THSD7A: variants seen among roughly 807,000 people sequenced by gnomAD.
THSD7A encodes thrombospondin type 1 domain containing 7A.
A neutral mutation model predicts 231.3 loss-of-function variants in THSD7A; 96 were observed. The ratio of observed to expected loss-of-function variants is 0.41; its 90% CI spans 0.35 to 0.49. The LOEUF (loss-of-function observed/expected upper bound fraction) is 0.49, where lower values mean the gene tolerates loss of function less well. Ranked by LOEUF, THSD7A falls within the 20% of genes least tolerant of loss-of-function variation. The pLI is 0.05. For synonymous variants in THSD7A, 940 were observed against 743.3 expected, an observed-to-expected ratio of 1.26 and a Z score of -4.30; for missense variants, 2,290 against 2,070.2, an observed-to-expected ratio of 1.11 and a Z score of -2.06.
At chr7:11,417,961 G>C (rs1235326814) in intron 16 of THSD7A, among the ~76,000 whole-genome samples, 4 of 152,190 alleles carry the variant, frequency 2.6e-5, no homozygotes, top group Non-Finnish European at 5.9e-5. Flanking sequence ...ATGAGGAACT[G>C]TCCAAAGAGC....
rs1780123037 is a variant in THSD7A, at chr7:11,688,265, C to T, written c.191-51304G>A. 2.6e-5 allele frequency among the ~76,000 whole-genome samples: 4 copies of T among 151,804 alleles called. 1 individual carries two copies. Among genetic ancestry groups the T allele is most frequent in the South Asian group, 4.1e-4 (2 of 4,830 alleles). On this transcript the variant is annotated intron_variant, in intron 1 of 27. Coordinates refer to ENST00000423059, the MANE Select transcript of THSD7A (RefSeq NM_015204.3). ...CATTTTTTATGGCTGCATAGTATTC[C>T]ATGGTGTATATATGTGCCACATTCT...
rs185795608 is a variant in THSD7A at position 11,524,681 on chromosome 7, T to A, written c.1822+16738A>T. On this transcript the variant is annotated intron_variant, in intron 6 of 27. Coordinates refer to ENST00000423059, the MANE Select transcript of THSD7A (RefSeq NM_015204.3). The stretch of plus-strand genomic sequence containing the variant: ...TGCTTTGAATAGTCCCAGAACTTGA[T>A]TTTCCTCCTCTTATACACATGGACA... Among the ~76,000 whole-genome samples, 26 of 152,256 alleles carry A rather than the reference T, an allele frequency of 1.7e-4. No individual in the cohort carries two copies. The East Asian group carries it at 4.1e-3, about 24-fold the overall frequency.
intron 4 of THSD7A, among the ~76,000 whole-genome samples, chr7:11,570,495 G>T (rs913908408): frequency 1.3e-5 from 2 of 152,124 alleles, no homozygotes; most frequent in African/African-American, 4.8e-5. Flanking sequence ...GATTTGAAAC[G>T]TTCCCAACAC....
At chr7:11,743,905 G>A (rs1782190256) in intron 1 of THSD7A, among the ~76,000 whole-genome samples, 1 of 151,890 alleles carries the variant, frequency 6.6e-6, no homozygotes, top group South Asian at 2.1e-4. Context: ...TGAACATTAA[G>A]TGGGCTTTGC....
chr7:11,530,085 A>G (rs1562689496), intron 6 of THSD7A, among the ~76,000 whole-genome samples: 1 of 152,226 alleles, frequency 6.6e-6, no homozygotes, highest in Non-Finnish European at 1.5e-5. Flanking sequence ...TCAGTGCTGC[A>G]ATGACCGGTC....
chr7:11,811,911 T>C (rs1784537363), intron 1 of THSD7A, among the ~76,000 whole-genome samples: 1 of 152,182 alleles, frequency 6.6e-6, no homozygotes, highest in Non-Finnish European at 1.5e-5. Context: ...AATATGCCTA[T>C]TCATGAAATT....
chr7:11,494,783 A>G (rs1787032574), intron 6 of THSD7A, among the ~76,000 whole-genome samples: 1 of 152,058 alleles, frequency 6.6e-6, no homozygotes, highest in African/African-American at 2.4e-5. Flanking sequence ...TCCAGGCACG[A>G]GCATTCTTAT....
intron 1 of THSD7A, among the ~76,000 whole-genome samples, chr7:11,786,835 C>T (rs1424014177): frequency 2.6e-5 from 4 of 151,286 alleles, no homozygotes; most frequent in Middle Eastern, 3.4e-3. Flanking sequence ...TCTTCCCCTA[C>T]ACCGAACTGA....
intron 11 of THSD7A, among the ~76,000 whole-genome samples, chr7:11,457,753 T>C (rs1785355836): frequency 6.6e-6 from 1 of 152,200 alleles, no homozygotes; most frequent in South Asian, 2.1e-4. Flanking sequence ...GTGAACACAT[T>C]TAATGTTTTT....
At chr7:11,490,850 A>T (rs1156865513) in intron 6 of THSD7A, among the ~76,000 whole-genome samples, 1 of 152,082 alleles carries the variant, frequency 6.6e-6, no homozygotes, top group Non-Finnish European at 1.5e-5. Flanking sequence ...CTTAATCTTA[A>T]TGGAAGCTAA....
intron 7 of THSD7A, among the ~76,000 whole-genome samples, chr7:11,479,631 T>C (rs1786338324): frequency 6.8e-6 from 1 of 147,906 alleles, no homozygotes; most frequent in South Asian, 2.1e-4. Flanking sequence ...AGTTCAGAAT[T>C]AGGAAAGATT....
chr7:11,657,028 T>C (rs1782735479), intron 1 of THSD7A, among the ~76,000 whole-genome samples: 2 of 151,952 alleles, frequency 1.3e-5, no homozygotes, highest in South Asian at 4.1e-4. Flanking sequence ...CATTGTGTCC[T>C]ACAGTCATGA....
In THSD7A at chr7:11,634,224, T is replaced by C. The variant is rs1323261797; in HGVS notation, c.1022+1906A>G. Among the ~76,000 whole-genome samples, 2 of 152,154 alleles carry C rather than the reference T, an allele frequency of 1.3e-5. No individual in the cohort carries two copies. Among genetic ancestry groups the C allele is most frequent in the East Asian group, 3.8e-4 (2 of 5,200 alleles). On this transcript the variant is annotated intron_variant, in intron 2 of 27. Transcript: ENST00000423059. The surrounding 1 kb of genome is among the most constrained non-coding windows in gnomAD (Gnocchi z 4.1). ...TATGCAACTATCAATTTATTGGAAGTTATATATGCTATTTCTAATGGGATA... is the reference window on the plus strand; with the variant it reads ...TATGCAACTATCAATTTATTGGAAGCTATATATGCTATTTCTAATGGGATA...
At chr7:11,727,032 C>G (rs181648177) in intron 1 of THSD7A, among the ~76,000 whole-genome samples, 38 of 152,118 alleles carry the variant, frequency 2.5e-4, no homozygotes, top group African/African-American at 6.0e-4. Context: ...CCCAGGCTCA[C>G]TTCACAGGCA....
intron 1 of THSD7A, among the ~76,000 whole-genome samples, chr7:11,690,535 T>C (rs924432993): frequency 6.6e-6 from 1 of 151,748 alleles, no homozygotes; most frequent in South Asian, 2.1e-4. Flanking sequence ...CCTCCTCAGC[T>C]CTTCTAGTGA....
chr7:11,376,590 G>A lies in THSD7A; in HGVS notation c.4869C>T (p.Val1623=), dbSNP rs771376545. 6.3e-7 allele frequency: 1 copy of A among 1,584,048 alleles called. No individual in the cohort carries two copies. Among genetic ancestry groups the A allele is most frequent in the East Asian group, 2.3e-5 (1 of 43,508 alleles). The change falls in exon 27 of 28, where the codon GTC becomes GTT. Residue 1623 remains valine, a synonymous_variant. Coordinates refer to ENST00000423059, the MANE Select transcript of THSD7A (RefSeq NM_015204.3). ...CTCACCAAGCTAGATAAATCATGGA[G>A]ACAATAAAGATGAGTAACACAAATG... The part of the protein sequence containing the change: ...AGAFVLLIFI[V]SMIYLACKKP...
intron 4 of THSD7A, among the ~76,000 whole-genome samples, chr7:11,556,195 TAC>T (rs1789836385): frequency 6.6e-6 from 1 of 151,742 alleles, no homozygotes; most frequent in African/African-American, 2.4e-5. Flanking sequence ...TTGATTTATC[TAC>T]AGTGTTTTTG....
chr7:11,417,810 G>C (rs1465036426), intron 16 of THSD7A, among the ~76,000 whole-genome samples: 2 of 152,102 alleles, frequency 1.3e-5, no homozygotes, highest in Non-Finnish European at 2.9e-5. Context: ...AATATCTGTA[G>C]TGCTTCTGCA....
chr7:11,599,524 G>A (rs1377747950), intron 2 of THSD7A, among the ~76,000 whole-genome samples: 1 of 152,126 alleles, frequency 6.6e-6, no homozygotes, highest in Non-Finnish European at 1.5e-5. Context: ...CCTTTATCAT[G>A]TGACATAAGA....
Sources: allele counts gnomAD v4.1 joint callset (sites outside exome capture counted in the v4.1 genomes callset), GRCh38; gene constraint gnomAD v4.1.1; non-coding constraint Gnocchi (gnomAD v3.1); transcripts MANE v1.5; gene names NCBI Gene and HGNC (gene_info 2026-07-23, HGNC 2026-07-21).